ENOX2: variants seen among roughly 807,000 people sequenced by gnomAD.
The protein encoded by ENOX2 is APK1 antigen.
Under a neutral mutation model 45.0 loss-of-function variants are expected in ENOX2, and 36 were observed. That is an observed-to-expected ratio of 0.80 (90% confidence interval 0.61 to 1.06). The LOEUF is 1.06. ENOX2 is among the 50% of genes least tolerant of loss of function. The pLI, the probability that ENOX2 is intolerant of heterozygous loss-of-function variation, is 0.00. For missense variants in ENOX2, 423 were observed against 462.5 expected, an observed-to-expected ratio of 0.91 and a Z score of 0.78; for synonymous variants, 174 against 152.3, an observed-to-expected ratio of 1.14 and a Z score of -1.05.
chrX:130,654,451 A>AC lies in ENOX2; in HGVS notation c.1129+2129_1129+2130insG, dbSNP rs1556413283. Among the ~76,000 whole-genome samples the AC allele has an allele frequency of 6.5e-4, 72 of 110,573 alleles. No individual in the cohort carries two copies. In the South Asian group the frequency reaches 0.014, roughly 22 times the overall value. ...TAGCATGGACAGAGGGAAAAAAAAA[A>AC]AACAACAACAACAACTCTGAGATCT... On this transcript the variant is annotated intron_variant, in intron 10 of 14. Coordinates refer to ENST00000394363, the MANE Select transcript of ENOX2 (RefSeq NM_006375.4).
At chrX:130,659,752 T>C (rs1283908799) in intron 9 of ENOX2, among the ~76,000 whole-genome samples, 1 of 112,386 alleles carries the variant, frequency 8.9e-6, no homozygotes, top group African/African-American at 3.2e-5. Flanking sequence ...ACATGTCACA[T>C]AACCCTGAGA....
Position 130,679,755 on chromosome X carries a change from T to C in ENOX2, c.254-7A>G. The C allele has an allele frequency of 8.5e-7, 1 of 1,174,771 alleles. No individual in the cohort carries two copies. Among genetic ancestry groups the C allele is most frequent in the African/African-American group, 1.7e-5 (1 of 57,144 alleles). On this transcript the variant is annotated splice_polypyrimidine_tract_variant and splice_region_variant and intron_variant, in intron 5 of 14. Coordinates refer to ENST00000394363, the MANE Select transcript of ENOX2 (RefSeq NM_006375.4). The stretch of plus-strand genomic sequence containing the variant: ...GTTGCAGGAGGTGGGAGATCTAAGT[T>C]GTAAGGGCAAAAACATTTGAAATTA...
At chrX:130,682,411 C>A (rs1277165581) in intron 5 of ENOX2, among the ~76,000 whole-genome samples, 3 of 106,888 alleles carry the variant, frequency 2.8e-5, no homozygotes, top group African/African-American at 1.0e-4. Flanking sequence ...GGTGAAACCC[C>A]GTCTCTACTA....
At position 130,679,403 on chromosome X, in the gene ENOX2, T is replaced by G. The variant is rs765865773; in HGVS notation, c.460+139A>C. 357 of 516,627 alleles carry G rather than the reference T, an allele frequency of 6.9e-4. No homozygotes were observed. The African/African-American group carries it at 7.2e-3, about 10-fold the overall frequency. The allele number at this position is 516,627 out of a possible 1,213,427, so 42.6% of individuals were successfully genotyped here. A position where few individuals can be genotyped will look rare whatever the true frequency, so the allele number is the denominator to read the frequency against. ...AAGAGCTTTAAAGGAAGAAGTTGAA[T>G]GGGAACATTCAGTTTCCACCTCTGA... is the stretch of plus-strand genomic sequence containing the variant. On this transcript the variant is annotated intron_variant, in intron 6 of 14. Coordinates refer to ENST00000394363, the MANE Select transcript of ENOX2 (RefSeq NM_006375.4).
intron 2 of ENOX2, among the ~76,000 whole-genome samples, chrX:130,872,056 T>C (rs916224604): frequency 3.6e-5 from 4 of 112,136 alleles, no homozygotes; most frequent in Non-Finnish European, 7.5e-5. Flanking sequence ...GCTTACAATA[T>C]GCAGGATCAC....
chrX:130,634,286 A>G (rs1033222138), intron 12 of ENOX2, among the ~76,000 whole-genome samples: 1 of 112,314 alleles, frequency 8.9e-6, no homozygotes, highest in African/African-American at 3.2e-5. Flanking sequence ...ACATCAGCTG[A>G]GTATTGATGC....
At chrX:130,763,645 G>T (rs1376071244) in intron 3 of ENOX2, among the ~76,000 whole-genome samples, 4 of 110,800 alleles carry the variant, frequency 3.6e-5, no homozygotes, top group Non-Finnish European at 5.7e-5. Context: ...GAGGCAGGAG[G>T]ATCACTTGAG....
At chrX:130,634,224 G>C (rs1388266546) in intron 12 of ENOX2, among the ~76,000 whole-genome samples, 3 of 112,055 alleles carry the variant, frequency 2.7e-5, no homozygotes, top group African/African-American at 9.7e-5. Context: ...TCTTCCTTTA[G>C]AGAATTAAAA....
intron 3 of ENOX2, among the ~76,000 whole-genome samples, chrX:130,741,104 T>TA (rs1253286282): frequency 8.1e-5 from 9 of 111,116 alleles, no homozygotes; most frequent in Non-Finnish European, 3.8e-5. Context: ...ATGGAAAAAC[T>TA]AAAAAAAAAT....
intron 6 of ENOX2, among the ~76,000 whole-genome samples, chrX:130,676,323 T>G (rs952844356): frequency 4.5e-5 from 5 of 112,142 alleles, no homozygotes; most frequent in African/African-American, 1.6e-4. Context: ...AGGGATTTTT[T>G]TTTTGTTTCT....
At chrX:130,688,472 T>C (rs768406407) in intron 5 of ENOX2, among the ~76,000 whole-genome samples, 1 of 112,277 alleles carries the variant, frequency 8.9e-6, no homozygotes, top group Admixed American at 9.4e-5. Context: ...CAGTGGAAGA[T>C]TCTTAGCACC....
chrX:130,890,202 T>C (rs754098717), intron 2 of ENOX2, among the ~76,000 whole-genome samples: 1 of 111,633 alleles, frequency 9.0e-6, no homozygotes, highest in Non-Finnish European at 1.9e-5. Context: ...GGAATATGAC[T>C]GACAGAGTGT....
chrX:130,802,784 GA>G (rs2077240550), intron 2 of ENOX2, among the ~76,000 whole-genome samples: 1 of 111,978 alleles, frequency 8.9e-6, no homozygotes, highest in Admixed American at 9.5e-5. Flanking sequence ...TAATTATTTA[GA>G]AATGATTTAT....
chrX:130,827,602 C>T (rs764552789), intron 2 of ENOX2, among the ~76,000 whole-genome samples: 1 of 111,516 alleles, frequency 9.0e-6, no homozygotes, highest in Admixed American at 9.6e-5. Flanking sequence ...CAGCATATTA[C>T]AGTATCTGGC....
At chrX:130,836,342 G>A (rs772208686) in intron 2 of ENOX2, among the ~76,000 whole-genome samples, 15 of 111,411 alleles carry the variant, frequency 1.3e-4, no homozygotes, top group Non-Finnish European at 2.1e-4. Flanking sequence ...TAGGGACTGA[G>A]CATCTGGGAA....
intron 3 of ENOX2, among the ~76,000 whole-genome samples, chrX:130,708,454 A>C (rs931254082): frequency 1.8e-5 from 2 of 112,190 alleles, no homozygotes; most frequent in African/African-American, 6.5e-5. Context: ...ATATAAGCCC[A>C]GTCAGCTCTG....
intron 2 of ENOX2, among the ~76,000 whole-genome samples, chrX:130,846,222 G>C (rs755199506): frequency 8.1e-5 from 9 of 111,260 alleles, no homozygotes; most frequent in African/African-American, 2.6e-4. Context: ...ACTTTATATG[G>C]GAATACAGAC....
At chrX:130,834,645 T>C (rs1392400186) in intron 2 of ENOX2, among the ~76,000 whole-genome samples, 2 of 110,998 alleles carry the variant, frequency 1.8e-5, no homozygotes, top group African/African-American at 3.3e-5. Context: ...ATCTCATATA[T>C]ACATTGTTGC....
intron 3 of ENOX2, among the ~76,000 whole-genome samples, chrX:130,750,795 C>T (rs1465608565): frequency 9.0e-6 from 1 of 111,492 alleles, no homozygotes; most frequent in Non-Finnish European, 1.9e-5. Context: ...TCTTTCTCTG[C>T]CTGTCTGCTG....
Sources: gnomAD v4.1 joint callset for allele counts (sites outside exome capture counted in the v4.1 genomes callset) on GRCh38, gnomAD v4.1.1 for gene constraint, MANE v1.5 for transcripts, NCBI Gene and HGNC (gene_info 2026-07-23, HGNC 2026-07-21) for gene names.